The following GRIN2A variants were observed in gnomAD, a reference collection of about 807,000 sequenced individuals.
GRIN2A encodes glutamate ionotropic receptor NMDA type subunit 2A.
Under a neutral mutation model 113.4 loss-of-function variants are expected in GRIN2A, and 22 were observed. That is an observed-to-expected ratio of 0.19 (90% CI 0.14 to 0.28). GRIN2A has a LOEUF of 0.28. Among genes scored for constraint, GRIN2A ranks in the 10% least tolerant of loss-of-function variants. The pLI is 1.00. For synonymous variants in GRIN2A, 827 were observed against 738.4 expected (o/e 1.12, Z -1.94); for missense variants, 1,502 against 1,887.0 (o/e 0.80, Z 3.78).
intron 2 of GRIN2A, among the ~76,000 whole-genome samples, chr16:10,043,953 GTATA>G (rs1231427998): frequency 7.8e-6 from 1 of 127,446 alleles, no homozygotes; most frequent in Non-Finnish European, 1.7e-5. Flanking sequence ...ACATATATAT[GTATA>G]TATATACACA....
chr16:9,958,869 C>T (rs185431937), intron 2 of GRIN2A, among the ~76,000 whole-genome samples: 42 of 152,294 alleles, frequency 2.8e-4, no homozygotes, highest in South Asian at 6.2e-4. Flanking sequence ...TTCACTGATA[C>T]ATCCCTTGTG....
At chr16:9,808,488 A>C (rs1170674511) in intron 10 of GRIN2A, among the ~76,000 whole-genome samples, 1 of 152,186 alleles carries the variant, frequency 6.6e-6, no homozygotes, top group African/African-American at 2.4e-5. Context: ...GATTCCGAAA[A>C]ACATCGAGAT....
chr16:9,864,916 T>G (rs1467668045), intron 4 of GRIN2A, among the ~76,000 whole-genome samples: 1 of 152,200 alleles, frequency 6.6e-6, no homozygotes, highest in African/African-American at 2.4e-5. Context: ...CCTGAGGCCC[T>G]GCTAGTTATT....
At chr16:9,805,853 C>T (rs902202547) in intron 10 of GRIN2A, among the ~76,000 whole-genome samples, 4 of 152,134 alleles carry the variant, frequency 2.6e-5, no homozygotes. Flanking sequence ...AGAAATGGCA[C>T]CACTGAGGCA....
Position 9,763,082 on chromosome 16 carries a change from C to T in GRIN2A, c.*67G>A. 5 of 1,506,778 alleles carry T rather than the reference C, an allele frequency of 3.3e-6. No homozygotes were observed. Among genetic ancestry groups the T allele is most frequent in the Non-Finnish European group, 9.2e-7 (1 of 1,089,808 alleles). The allele number at this position is 1,506,778 out of a possible 1,614,324, so 93.3% of individuals were successfully genotyped here. A position where few individuals can be genotyped will look rare whatever the true frequency, so the allele number is the denominator to read the frequency against. On this transcript the variant is annotated 3_prime_UTR_variant, in exon 13 of 13. Coordinates refer to ENST00000330684, the MANE Select transcript of GRIN2A (RefSeq NM_001134407.3). ...TAGCAGGGCACTATTGGACATCCAACATTTACCCTCCAGAACATTGGCCAT... is the reference window on the plus strand; with the variant it reads ...TAGCAGGGCACTATTGGACATCCAATATTTACCCTCCAGAACATTGGCCAT...
At chr16:9,875,962 C>T (rs538462090) in intron 4 of GRIN2A, among the ~76,000 whole-genome samples, 84 of 152,240 alleles carry the variant, frequency 5.5e-4, no homozygotes, top group African/African-American at 1.7e-3. Context: ...ATTATAAGTT[C>T]CCTGTTGGTA....
At chr16:9,980,401 A>C (rs2045868280) in intron 2 of GRIN2A, among the ~76,000 whole-genome samples, 1 of 152,214 alleles carries the variant, frequency 6.6e-6, no homozygotes, top group South Asian at 2.1e-4. Context: ...ACTGTAAACT[A>C]GTTCAACCAT....
intron 2 of GRIN2A, among the ~76,000 whole-genome samples, chr16:10,040,842 A>T (rs1423750748): frequency 6.6e-6 from 1 of 152,316 alleles, no homozygotes; most frequent in East Asian, 1.9e-4. Context: ...GCTGTGGGGG[A>T]GGCTGGCAGG....
At position 9,840,939 on chromosome 16, in the gene GRIN2A, A is replaced by G. The variant is rs777998695; in HGVS notation, c.1494T>C (p.Gly498=). Residue 498 remains glycine, a synonymous_variant, in exon 6 of 13, where the codon GGT becomes GGC. Coordinates refer to ENST00000330684, the MANE Select transcript of GRIN2A (RefSeq NM_001134407.3). ...AGGGGATGAAAAGATAACTTACTTC[A>G]CCGATCATTCCATTCCACACATTGT... is the stretch of plus-strand genomic sequence containing the variant. ...KVNNVWNGMI[G]EVVYQRAVMA... 54 of 1,613,534 alleles carry G rather than the reference A, an allele frequency of 3.3e-5. No individual in the cohort carries two copies. Among genetic ancestry groups the G allele is most frequent in the Non-Finnish European group, 4.6e-5 (54 of 1,179,780 alleles).
intron 10 of GRIN2A, among the ~76,000 whole-genome samples, chr16:9,800,140 AATTTTTAT>A (rs1903273313): frequency 6.6e-6 from 1 of 152,004 alleles, no homozygotes; most frequent in African/African-American, 2.4e-5. Flanking sequence ...ACTCCCGGCT[AATTTTTAT>A]ATTTTTAGTA....
At chr16:10,169,247 C>T (rs1415547733) in intron 2 of GRIN2A, among the ~76,000 whole-genome samples, 1 of 152,140 alleles carries the variant, frequency 6.6e-6, no homozygotes, top group East Asian at 1.9e-4. Context: ...TTTTCAACGT[C>T]CATCTTTAGA....
chr16:10,134,887 G>C (rs975451562), intron 2 of GRIN2A, among the ~76,000 whole-genome samples: 2 of 152,228 alleles, frequency 1.3e-5, no homozygotes, highest in African/African-American at 4.8e-5. Context: ...TCTCTTCAAA[G>C]AGCACTCTGT....
chr16:10,072,212 T>A (rs967365457), intron 2 of GRIN2A, among the ~76,000 whole-genome samples: 2 of 152,208 alleles, frequency 1.3e-5, no homozygotes, highest in Non-Finnish European at 1.5e-5. Flanking sequence ...GCTGTTGCAT[T>A]CCCTGCTGGT....
intron 2 of GRIN2A, among the ~76,000 whole-genome samples, chr16:10,022,631 A>G (rs1180474967): frequency 1.3e-5 from 2 of 152,184 alleles, no homozygotes; most frequent in Non-Finnish European, 2.9e-5. Context: ...AGCAGGTCTT[A>G]TTCTTCTCTC....
At chr16:10,106,991 C>T (rs933088846) in intron 2 of GRIN2A, among the ~76,000 whole-genome samples, 5 of 152,166 alleles carry the variant, frequency 3.3e-5, no homozygotes, top group Admixed American at 1.3e-4. Context: ...ATGTTCATCT[C>T]ATAAATGGAC....
chr16:9,949,279 G>A (rs2045106514), intron 2 of GRIN2A, among the ~76,000 whole-genome samples: 2 of 152,212 alleles, frequency 1.3e-5, no homozygotes, highest in Admixed American at 6.5e-5. Context: ...CACATTCAGT[G>A]AAGGTATAAG....
At chr16:9,822,213 T>C (rs1164230022) in intron 10 of GRIN2A, 51 bp downstream of exon 10, 1 of 1,591,492 alleles carries the variant, frequency 6.3e-7, no homozygotes, top group South Asian at 1.1e-5. Flanking sequence ...TCAATTTCTG[T>C]AAGGTTTATC....
At chr16:10,033,389 G>A (rs766059213) in intron 2 of GRIN2A, among the ~76,000 whole-genome samples, 2 of 152,196 alleles carry the variant, frequency 1.3e-5, no homozygotes, top group Non-Finnish European at 2.9e-5. Context: ...AGAGCCTGGA[G>A]GGGTAGACAG....
chr16:10,018,719 G>A lies in GRIN2A; in HGVS notation c.415-80168C>T, dbSNP rs564152403. Among the ~76,000 whole-genome samples the A allele has an allele frequency of 2.7e-3, 414 of 152,220 alleles. 6 individuals are homozygous for A. The highest frequency in any genetic ancestry group is 9.6e-3 in the African/African-American group (398 of 41,546). On this transcript the variant is annotated intron_variant, in intron 2 of 12. Transcript: ENST00000330684. ...CACTGCCAGTCACTCCCCACACACC[G>A]TGCACCCCAGCTCCGCTTTCACCAT... is the stretch of plus-strand genomic sequence containing the variant.
Sources: gnomAD v4.1 joint callset for allele counts (sites outside exome capture counted in the v4.1 genomes callset) on GRCh38, gnomAD v4.1.1 for gene constraint, MANE v1.5 for transcripts, NCBI Gene and HGNC (gene_info 2026-07-23, HGNC 2026-07-21) for gene names.